Variants in IPO11 observed in about 807,000 individuals in gnomAD.
IPO11 encodes the protein importin 11.
In IPO11, 66 loss-of-function variants were observed where a neutral mutation model predicts 143.2. The ratio of observed to expected loss-of-function variants is 0.46; its 90% CI spans 0.38 to 0.57. The LOEUF (loss-of-function observed/expected upper bound fraction) is 0.57. Ranked by LOEUF, IPO11 falls within the 20% of genes least tolerant of loss-of-function variation. The pLI is 0.00. For synonymous variants in IPO11, 385 were observed against 377.8 expected (o/e 1.02, Z -0.22); for missense variants, 1,026 against 1,141.0 (o/e 0.90, Z 1.45).
chr5:62,555,078 T>C (rs1389777843), intron 26 of IPO11, among the ~76,000 whole-genome samples: 1 of 152,206 alleles, frequency 6.6e-6, no homozygotes, highest in Non-Finnish European at 1.5e-5. Flanking sequence ...TGCTCAGCAT[T>C]GCTTTGGCTA....
chr5:62,524,213 TAAGG>T lies in IPO11; in HGVS notation c.1897-1928_1897-1925del, dbSNP rs1467214465. 2.0e-5 allele frequency among the ~76,000 whole-genome samples: 3 copies of T among 152,084 alleles called. No homozygotes were observed. In the East Asian group the frequency reaches 5.8e-4, roughly 29 times the overall value. Reference sequence around the variant, plus strand: ...ACACATTCTTTAGCCACTAGAATTATAAGGTATTGAATCTCTTCAAGCATTGATT... The same window carrying T: ...ACACATTCTTTAGCCACTAGAATTATTATTGAATCTCTTCAAGCATTGATT... On this transcript the variant is annotated intron_variant, in intron 20 of 29. Coordinates refer to ENST00000325324, the MANE Select transcript of IPO11 (RefSeq NM_016338.5).
chr5:62,416,145 C>T (rs1339261760), intron 1 of IPO11, among the ~76,000 whole-genome samples: 1 of 150,376 alleles, frequency 6.6e-6, no homozygotes, highest in Non-Finnish European at 1.5e-5. Flanking sequence ...GTACATGCAC[C>T]TCTGCTGTAT....
At chr5:62,619,543 T>C (rs1167778188) in intron 29 of IPO11, among the ~76,000 whole-genome samples, 1 of 152,148 alleles carries the variant, frequency 6.6e-6, no homozygotes, top group Non-Finnish European at 1.5e-5. Flanking sequence ...TTTACCATGA[T>C]AAAATATCTG....
chr5:62,610,326 A>G (rs16890869), intron 29 of IPO11, among the ~76,000 whole-genome samples: 13,513 of 152,126 alleles, frequency 0.089, 651 homozygotes, highest in East Asian at 0.14. Flanking sequence ...GATCTTTACA[A>G]AGTTTGTAGA....
intron 20 of IPO11, among the ~76,000 whole-genome samples, chr5:62,525,017 G>C (rs1301898339): frequency 6.6e-6 from 1 of 152,114 alleles, no homozygotes; most frequent in Non-Finnish European, 1.5e-5. Flanking sequence ...CTCCCTAACA[G>C]TAATTCAGCA....
At chr5:62,613,430 G>A (rs1311500318) in intron 29 of IPO11, among the ~76,000 whole-genome samples, 2 of 147,558 alleles carry the variant, frequency 1.4e-5, no homozygotes, top group African/African-American at 5.0e-5. Flanking sequence ...AGCCCTCCAA[G>A]TAGCAGGGAC....
intron 8 of IPO11, among the ~76,000 whole-genome samples, chr5:62,475,122 G>T (rs1263975753): frequency 6.6e-6 from 1 of 152,020 alleles, no homozygotes; most frequent in East Asian, 1.9e-4. Context: ...TGCCAGGCTG[G>T]TCTCAAACTC....
chr5:62,464,539 G>T (rs1258660360), intron 5 of IPO11, among the ~76,000 whole-genome samples: 1 of 150,378 alleles, frequency 6.6e-6, no homozygotes, highest in Non-Finnish European at 1.5e-5. Context: ...GTGTGATCTC[G>T]GCTCACTGCA....
intron 27 of IPO11, among the ~76,000 whole-genome samples, chr5:62,583,981 A>G (rs1298650241): frequency 1.3e-5 from 2 of 152,224 alleles, no homozygotes; most frequent in African/African-American, 4.8e-5. Context: ...CTGAGGAAGA[A>G]TAGAATCCAT....
chr5:62,532,879 C>G (rs1459188596), intron 22 of IPO11, among the ~76,000 whole-genome samples: 1 of 152,102 alleles, frequency 6.6e-6, no homozygotes, highest in African/African-American at 2.4e-5. Context: ...TTTACTGAAT[C>G]AAGAACTAAT....
intron 1 of IPO11, among the ~76,000 whole-genome samples, chr5:62,429,822 A>G (rs942493104): frequency 1.3e-5 from 2 of 151,898 alleles, no homozygotes; most frequent in Admixed American, 6.6e-5. Flanking sequence ...TTGGGGTTTC[A>G]CCGTGTCAGC....
intron 27 of IPO11, among the ~76,000 whole-genome samples, chr5:62,590,521 C>T (rs1020239097): frequency 2.6e-5 from 4 of 151,998 alleles, no homozygotes; most frequent in Admixed American, 6.6e-5. Flanking sequence ...GTATAAATAG[C>T]GTAATTATGG....
intron 27 of IPO11, among the ~76,000 whole-genome samples, chr5:62,585,876 T>C (rs1744753937): frequency 6.6e-6 from 1 of 152,134 alleles, no homozygotes; most frequent in Admixed American, 6.6e-5. Flanking sequence ...GAAGGGTAAA[T>C]GAGAAGGAAG....
chr5:62,562,467 A>G (rs1236577203), intron 27 of IPO11, among the ~76,000 whole-genome samples: 3 of 152,310 alleles, frequency 2.0e-5, no homozygotes, highest in Middle Eastern at 3.4e-3. Flanking sequence ...GATTCTCACA[A>G]GCAGTGTGCA....
chr5:62,611,272 A>G (rs1225038999), intron 29 of IPO11, among the ~76,000 whole-genome samples: 2 of 152,192 alleles, frequency 1.3e-5, no homozygotes, highest in Non-Finnish European at 2.9e-5. Flanking sequence ...CAATCCAAGA[A>G]GATAGGAAAT....
chr5:62,539,632 CTTGAGGCCTGGTTTA>C (rs1742860903), intron 24 of IPO11, among the ~76,000 whole-genome samples: 1 of 152,110 alleles, frequency 6.6e-6, no homozygotes, highest in Admixed American at 6.5e-5. Context: ...ACCCTGGATA[CTTGAGGCCTGGTTTA>C]TTGGACTAGT....
At chr5:62,552,377 TAATTA>T (rs1014330647) in intron 26 of IPO11, among the ~76,000 whole-genome samples, 1 of 151,994 alleles carries the variant, frequency 6.6e-6, no homozygotes, top group African/African-American at 2.4e-5. Flanking sequence ...TAGACTAATC[TAATTA>T]GAGATCCCAA....
intron 27 of IPO11, among the ~76,000 whole-genome samples, chr5:62,565,365 A>G (rs866080118): frequency 6.6e-6 from 1 of 152,130 alleles, no homozygotes; most frequent in African/African-American, 2.4e-5. Context: ...ACATGTTTGT[A>G]ATTCCAGCTA....
rs1225564464 is a variant in IPO11, at chr5:62,615,855, TA to T, written c.2764-11298del. Among the ~76,000 whole-genome samples the T allele has an allele frequency of 3.3e-5, 5 of 152,298 alleles. No homozygotes were observed. The South Asian group carries it at 1.0e-3, about 32-fold the overall frequency. Reference sequence around the variant, plus strand: ...GTTTATTGGGCCCCTTTTGATTGGTTACTGTGAATCTCAATTTTAGAAAACT... The same window carrying T: ...GTTTATTGGGCCCCTTTTGATTGGTTCTGTGAATCTCAATTTTAGAAAACT... On this transcript the variant is annotated intron_variant, in intron 29 of 29. Transcript: ENST00000325324.
Sources: gnomAD v4.1 joint callset for allele counts (sites outside exome capture counted in the v4.1 genomes callset) on GRCh38, gnomAD v4.1.1 for gene constraint, MANE v1.5 for transcripts, NCBI Gene and HGNC (gene_info 2026-07-23, HGNC 2026-07-21) for gene names.